Variants in ADCY5 observed in about 807,000 individuals in gnomAD.
The protein encoded by ADCY5 is adenylate cyclase type 5.
ADCY5 carries 30 observed loss-of-function variants against 119.7 expected under a neutral mutation model. The ratio of observed to expected loss-of-function variants is 0.25; its 90% CI spans 0.19 to 0.34. The LOEUF (loss-of-function observed/expected upper bound fraction) is 0.34. Ranked by LOEUF, ADCY5 falls within the 10% of genes least tolerant of loss-of-function variation. The pLI is 1.00. For synonymous variants in ADCY5, 753 were observed against 762.2 expected (o/e 0.99, Z 0.20); for missense variants, 1,324 against 1,775.2 (o/e 0.75, Z 4.57).
intron 12 of ADCY5, among the ~76,000 whole-genome samples, chr3:123,308,869 G>T (rs948663199): frequency 2.0e-5 from 3 of 151,708 alleles, no homozygotes; most frequent in Admixed American, 6.6e-5. Flanking sequence ...AAAACTATCT[G>T]CCAGGGGCAA....
At chr3:123,317,975 C>T in intron 11 of ADCY5, 45 bp downstream of exon 11, 1 of 1,556,510 alleles carries the variant, frequency 6.4e-7, no homozygotes, top group Non-Finnish European at 8.9e-7. Flanking sequence ...TCCTGGGATT[C>T]CCTGCAGCCA....
At chr3:123,320,614 G>T in intron 9 of ADCY5, 135 bp downstream of exon 9, 1 of 1,233,716 alleles carries the variant, frequency 8.1e-7, no homozygotes, top group Non-Finnish European at 1.2e-6. Context: ...CGGCTAGGGT[G>T]GGCTCCATTC....
In ADCY5 at chr3:123,447,502, C is replaced by T. The variant is rs1374972153; in HGVS notation, c.1044G>A (p.Arg348=). Residue 348 remains arginine (R), a synonymous_variant, in exon 1 of 21, where the codon CGG becomes CGA. Coordinates refer to ENST00000462833, the MANE Select transcript of ADCY5 (RefSeq NM_183357.3). ...GGAGCACCCCGCTGAGCACTGCGGC[C>T]CGCATGCGCACGGGCAGCAGCGTGT... ...TIYTLLPVRM[R]AAVLSGVLLS... is the part of the protein sequence containing the mutation. The T allele has an allele frequency of 6.2e-7, 1 of 1,611,814 alleles. No individual in the cohort carries two copies. Among genetic ancestry groups the T allele is most frequent in the Non-Finnish European group, 8.5e-7 (1 of 1,179,590 alleles).
chr3:123,443,867 T>G (rs986049469), intron 1 of ADCY5, among the ~76,000 whole-genome samples: 1 of 152,126 alleles, frequency 6.6e-6, no homozygotes, highest in Non-Finnish European at 1.5e-5. Flanking sequence ...AACAGGACTC[T>G]CCACTTTTCA....
At chr3:123,368,094 G>C (rs954311393) in intron 1 of ADCY5, 1 of 1,391,598 alleles carries the variant, frequency 7.2e-7, no homozygotes, top group Non-Finnish European at 9.4e-7. Context: ...GCTATGCTGG[G>C]AGTCAGGAGC....
chr3:123,322,658 G>T (rs1941283847), intron 8 of ADCY5, among the ~76,000 whole-genome samples: 1 of 152,144 alleles, frequency 6.6e-6, no homozygotes, highest in Non-Finnish European at 1.5e-5. Context: ...CAGCACCTGG[G>T]CCCCACCCTA....
At chr3:123,317,969 G>A in intron 11 of ADCY5, 51 bp downstream of exon 11, 1 of 1,535,216 alleles carries the variant, frequency 6.5e-7, no homozygotes, top group East Asian at 2.3e-5. Flanking sequence ...TCCCACTCCT[G>A]GGATTCCCTG....
chr3:123,367,810 C>T (rs1943499203), intron 1 of ADCY5: 1 of 1,480,976 alleles, frequency 6.8e-7, no homozygotes, highest in African/African-American at 1.4e-5. Context: ...TCTTTCCATT[C>T]CTCACCTCTG....
chr3:123,442,918 A>G (rs1215253691), intron 1 of ADCY5, among the ~76,000 whole-genome samples: 3 of 152,242 alleles, frequency 2.0e-5, no homozygotes. Context: ...CGAAACCCAA[A>G]GCCAACCCCC....
chr3:123,289,056 G>A (rs768742284), intron 19 of ADCY5, among the ~76,000 whole-genome samples: 8 of 152,194 alleles, frequency 5.3e-5, no homozygotes, highest in Admixed American at 3.3e-4. Context: ...TGTATAAAAA[G>A]AGTAAAAAGT....
At position 123,342,231 on chromosome 3, in the gene ADCY5, G is replaced by A. The variant is rs551658759; in HGVS notation, c.1406+5551C>T. On this transcript the variant is annotated intron_variant, in intron 3 of 20. Transcript: ENST00000462833. ...CCTCTGCCTACAGGGTGCACAATCC[G>A]CCCACAGGTATCTGAGTATCTCGGA... is the stretch of plus-strand genomic sequence containing the variant. Among the ~76,000 whole-genome samples the A allele has an allele frequency of 7.9e-5, 12 of 152,300 alleles. No individual in the cohort carries two copies. The South Asian group carries it at 1.2e-3, about 16-fold the overall frequency.
intron 11 of ADCY5, 137 bp downstream of exon 11, chr3:123,317,883 C>T (rs1000137958): frequency 2.0e-5 from 15 of 754,858 alleles, no homozygotes; most frequent in African/African-American, 1.7e-4. Flanking sequence ...ACCAAGGGCA[C>T]ACTCAGAAAC....
chr3:123,336,155 G>T (rs952700766), intron 3 of ADCY5, among the ~76,000 whole-genome samples: 3 of 152,222 alleles, frequency 2.0e-5, no homozygotes, highest in Non-Finnish European at 2.9e-5. Flanking sequence ...CCCAGAGGTA[G>T]ACTATGCTGG....
chr3:123,321,852 G>GGCTCCA (rs1361224118), intron 8 of ADCY5, among the ~76,000 whole-genome samples: 1 of 152,208 alleles, frequency 6.6e-6, no homozygotes, highest in East Asian at 1.9e-4. Flanking sequence ...CCCAGCTGAG[G>GGCTCCA]GCTCCAGGGA....
intron 16 of ADCY5, chr3:123,297,058 G>C (rs1296267592): frequency 6.5e-7 from 1 of 1,535,898 alleles, no homozygotes. Flanking sequence ...CAGGCTCCTG[G>C]GGAAGAGCTT....
intron 1 of ADCY5, among the ~76,000 whole-genome samples, chr3:123,402,237 G>A (rs1041246978): frequency 2.0e-5 from 3 of 152,226 alleles, no homozygotes; most frequent in South Asian, 4.1e-4. Context: ...GCACGTGAGA[G>A]ATGCCTAGAC....
chr3:123,443,210 G>C (rs574793349), intron 1 of ADCY5, among the ~76,000 whole-genome samples: 19 of 152,236 alleles, frequency 1.2e-4, no homozygotes, highest in Admixed American at 1.0e-3. Flanking sequence ...TAGCAGGAAA[G>C]GTTCTTGAAA....
intron 1 of ADCY5, among the ~76,000 whole-genome samples, chr3:123,412,156 G>A (rs142975262): frequency 1.1e-4 from 16 of 152,300 alleles, no homozygotes; most frequent in African/African-American, 3.6e-4. Context: ...GCTAGACCTC[G>A]AGGCTTCCTG....
chr3:123,417,927 G>A (rs1945221249), intron 1 of ADCY5, among the ~76,000 whole-genome samples: 1 of 152,230 alleles, frequency 6.6e-6, no homozygotes, highest in Admixed American at 6.5e-5. Flanking sequence ...AATGCAGAGT[G>A]GGTGGCCTTC....
Sources: allele counts gnomAD v4.1 joint callset (sites outside exome capture counted in the v4.1 genomes callset), GRCh38; gene constraint gnomAD v4.1.1; transcripts MANE v1.5; gene names NCBI Gene and HGNC (gene_info 2026-07-23, HGNC 2026-07-21).